The following STK39 variants were observed in gnomAD, a reference collection of about 807,000 sequenced individuals.
STK39 encodes serine/threonine kinase 39.
A neutral mutation model predicts 77.8 loss-of-function variants in STK39; 20 were observed. The observed-to-expected ratio is 0.26, with a 90% CI of 0.18 to 0.37. The LOEUF (loss-of-function observed/expected upper bound fraction) is 0.37. Ranked by LOEUF, STK39 falls within the 10% of genes least tolerant of loss-of-function variation. The probability of loss-of-function intolerance (pLI) is 1.00; values close to 1 mark genes in which losing one functional copy is unlikely to be tolerated. For missense variants in STK39, 479 were observed against 656.5 expected, an observed-to-expected ratio of 0.73 and a Z score of 2.95; for synonymous variants, 246 against 234.1, an observed-to-expected ratio of 1.05 and a Z score of -0.47.
intron 2 of STK39, among the ~76,000 whole-genome samples, chr2:168,174,847 A>C (rs1008926095): frequency 8.6e-5 from 13 of 151,670 alleles, no homozygotes; most frequent in Admixed American, 3.3e-4. Flanking sequence ...AAAAAAAAAA[A>C]AAAAACACCC....
chr2:168,068,349 C>T (rs1468356247), intron 12 of STK39, among the ~76,000 whole-genome samples: 4 of 152,140 alleles, frequency 2.6e-5, no homozygotes, highest in Non-Finnish European at 4.4e-5. Flanking sequence ...TCCAATTTTT[C>T]GTAGAGCTCT....
intron 10 of STK39, among the ~76,000 whole-genome samples, chr2:168,123,895 A>C (rs1421339422): frequency 6.6e-6 from 1 of 151,596 alleles, no homozygotes; most frequent in Admixed American, 6.6e-5. Context: ...AAAAAAGTTA[A>C]AAACAAACAG....
chr2:168,190,465 C>G (rs1191536356), intron 1 of STK39, among the ~76,000 whole-genome samples: 2 of 152,188 alleles, frequency 1.3e-5, no homozygotes, highest in Non-Finnish European at 2.9e-5. Flanking sequence ...ATTCTAAAGT[C>G]AGGTCTCATA....
At chr2:168,018,004 C>A (rs116724694) in intron 14 of STK39, among the ~76,000 whole-genome samples, 8,513 of 151,932 alleles carry the variant, frequency 0.056, 834 homozygotes, top group African/African-American at 0.19. Context: ...CATGTATATG[C>A]AATTTAAAAA....
intron 10 of STK39, among the ~76,000 whole-genome samples, chr2:168,077,330 C>T (rs1686106968): frequency 6.6e-6 from 1 of 152,154 alleles, no homozygotes. Flanking sequence ...TTTACAAGCT[C>T]TGTCAGTTTC....
At chr2:167,968,121 C>A (rs536436046) in intron 16 of STK39, among the ~76,000 whole-genome samples, 1 of 152,278 alleles carries the variant, frequency 6.6e-6, no homozygotes, top group African/African-American at 2.4e-5. Context: ...GTCAAGATTT[C>A]GTTCTGTTTC....
At chr2:167,958,170 G>A (rs956080855) in intron 17 of STK39, among the ~76,000 whole-genome samples, 1 of 152,146 alleles carries the variant, frequency 6.6e-6, no homozygotes, top group African/African-American at 2.4e-5. Flanking sequence ...TACTCTTCAA[G>A]AATTACTGAG....
At chr2:168,243,934 G>A (rs1270873602) in intron 1 of STK39, among the ~76,000 whole-genome samples, 1 of 152,182 alleles carries the variant, frequency 6.6e-6, no homozygotes, top group South Asian at 2.1e-4. Flanking sequence ...CTTCTTTAGA[G>A]AGGTAAGGAA....
chr2:168,008,262 T>G (rs1444818882), intron 16 of STK39, among the ~76,000 whole-genome samples: 5 of 152,098 alleles, frequency 3.3e-5, no homozygotes, highest in Non-Finnish European at 5.9e-5. Flanking sequence ...AGAACTCAAC[T>G]GGGAGTTGAG....
Position 168,075,097 on chromosome 2 carries a change from G to GATGTCA in STK39, c.1212+6_1212+11dup, listed in dbSNP as rs773931577. ...TTACACAGATTAGCTCATCGTCAAC[G>GATGTCA]ATGTCATTTACCTTTTCCTGAGAAA... On this transcript the variant is annotated intron_variant, in intron 11 of 17. Transcript: ENST00000355999. 2 of 1,614,064 alleles carry GATGTCA rather than the reference G, an allele frequency of 1.2e-6. No homozygotes were observed. The highest frequency in any genetic ancestry group is 1.7e-6 in the Non-Finnish European group (2 of 1,180,014).
At chr2:168,046,593 G>C (rs1435483642) in intron 14 of STK39, among the ~76,000 whole-genome samples, 2 of 152,212 alleles carry the variant, frequency 1.3e-5, no homozygotes, top group African/African-American at 4.8e-5. Flanking sequence ...AAAGGAAGCA[G>C]AGCTGGCCTA....
At chr2:168,196,313 A>G (rs575388836) in intron 1 of STK39, among the ~76,000 whole-genome samples, 3 of 152,332 alleles carry the variant, frequency 2.0e-5, no homozygotes, top group Admixed American at 6.5e-5. Flanking sequence ...CTCAGAGCAA[A>G]AAGTATCTGC....
intron 10 of STK39, among the ~76,000 whole-genome samples, chr2:168,081,227 A>G (rs112528169): frequency 0.021 from 3,264 of 152,268 alleles, 117 homozygotes; most frequent in African/African-American, 0.075. Flanking sequence ...CCAGCCCATG[A>G]AAGCAGCTGG....
chr2:168,124,887 A>C (rs908828065), intron 10 of STK39, among the ~76,000 whole-genome samples: 2 of 152,182 alleles, frequency 1.3e-5, no homozygotes, highest in Non-Finnish European at 2.9e-5. Context: ...AGAAAACCAA[A>C]CACTGCATGT....
At position 168,049,772 on chromosome 2, in the gene STK39, T is replaced by C. The variant is rs1021737169; in HGVS notation, c.1376+13728A>G. Among the ~76,000 whole-genome samples, 5 of 152,256 alleles carry C rather than the reference T, an allele frequency of 3.3e-5. No homozygotes were observed. In the East Asian group the frequency reaches 9.6e-4, roughly 29 times the overall value. On this transcript the variant is annotated intron_variant, in intron 14 of 17. Coordinates refer to ENST00000355999, the MANE Select transcript of STK39 (RefSeq NM_013233.3). Reference sequence around the variant, plus strand: ...GAGAACTAGCAATTCTCCTTGCCTGTGCCCTGCACTTGCCTGACTTGTGTC... The same window carrying C: ...GAGAACTAGCAATTCTCCTTGCCTGCGCCCTGCACTTGCCTGACTTGTGTC...
chr2:168,108,865 G>A (rs899961337), intron 10 of STK39, among the ~76,000 whole-genome samples: 6 of 152,276 alleles, frequency 3.9e-5, no homozygotes, highest in African/African-American at 1.4e-4. Flanking sequence ...CACACTTCAT[G>A]CTTTAAGAAA....
At chr2:168,180,401 C>T (rs975121483) in intron 2 of STK39, among the ~76,000 whole-genome samples, 2 of 152,020 alleles carry the variant, frequency 1.3e-5, no homozygotes, top group Non-Finnish European at 2.9e-5. Context: ...TTGAGTGATA[C>T]ATCCAAACAG....
At chr2:168,214,760 G>GA (rs1287635457) in intron 1 of STK39, among the ~76,000 whole-genome samples, 1 of 152,194 alleles carries the variant, frequency 6.6e-6, no homozygotes, top group African/African-American at 2.4e-5. Context: ...AAGGATAAAA[G>GA]AAAGTCAAGA....
intron 5 of STK39, 50 bp downstream of exon 5, chr2:168,161,737 T>C (rs201749188): frequency 2.0e-5 from 27 of 1,334,218 alleles, no homozygotes; most frequent in Non-Finnish European, 2.5e-5. Context: ...TCCTTGAAAC[T>C]GTAACACTTC....
Sources: allele counts gnomAD v4.1 joint callset (sites outside exome capture counted in the v4.1 genomes callset), GRCh38; gene constraint gnomAD v4.1.1; transcripts MANE v1.5; gene names NCBI Gene and HGNC (gene_info 2026-07-23, HGNC 2026-07-21).